The following KIF5C variants were observed in gnomAD, a reference collection of about 807,000 sequenced individuals.
KIF5C encodes the protein kinesin family member 5C.
Under a neutral mutation model 125.2 loss-of-function variants are expected in KIF5C, and 18 were observed. That is an observed-to-expected ratio of 0.14 (90% CI 0.10 to 0.21). The LOEUF is 0.21. Ranked by LOEUF, KIF5C falls within the 10% of genes least tolerant of loss-of-function variation. KIF5C has a pLI of 1.00. For synonymous variants in KIF5C, 405 were observed against 434.0 expected, an observed-to-expected ratio of 0.93 and a Z score of 0.83; for missense variants, 780 against 1,183.8, an observed-to-expected ratio of 0.66 and a Z score of 5.01.
chr2:148,995,248 T>C (rs7573559), intron 17 of KIF5C, among the ~76,000 whole-genome samples: 2,583 of 152,322 alleles, frequency 0.017, 78 homozygotes, highest in African/African-American at 0.059. Flanking sequence ...TGTGGCATCC[T>C]GAGGGATGAT....
chr2:148,956,030 CTG>C (rs1241906001), intron 10 of KIF5C, among the ~76,000 whole-genome samples: 1 of 152,212 alleles, frequency 6.6e-6, no homozygotes, highest in Admixed American at 6.5e-5. Flanking sequence ...TTAGAACTGA[CTG>C]TGGCCAGGAA....
intron 1 of KIF5C, among the ~76,000 whole-genome samples, chr2:148,921,507 C>T (rs1681784098): frequency 6.6e-6 from 1 of 152,188 alleles, no homozygotes; most frequent in Admixed American, 6.5e-5. Flanking sequence ...TGAATTGGCT[C>T]CTGATTTTCT....
chr2:148,875,575 G>GCCCCCCCCCCCCCC lies in KIF5C; in HGVS notation c.-37_-36insCCCCCCCCCCCCCC. The GCCCCCCCCCCCCCC allele has an allele frequency of 1.4e-6, 1 of 699,602 alleles. No homozygotes were observed. Among genetic ancestry groups the GCCCCCCCCCCCCCC allele is most frequent in the Non-Finnish European group, 2.6e-6 (1 of 389,226 alleles). 43.3% of individuals were successfully genotyped at this position (699,602 alleles called of 1,614,324 possible). A position where few individuals can be genotyped will look rare whatever the true frequency, so the allele number is the denominator to read the frequency against. On this transcript the variant is annotated 5_prime_UTR_variant, in exon 1 of 26. Coordinates refer to ENST00000435030, the MANE Select transcript of KIF5C (RefSeq NM_004522.3). ...TCCTCCCTCGTCGTTCCCGGCCCCG[G>GCCCCCCCCCCCCCC]CCCCCCACCCATCCCCGTGCCCCCT... is the stretch of plus-strand genomic sequence containing the variant.
At chr2:148,950,510 T>A (rs374002349) in intron 10 of KIF5C, 48 bp downstream of exon 10, 68 of 1,574,228 alleles carry the variant, frequency 4.3e-5, no homozygotes, top group Non-Finnish European at 5.3e-5. Flanking sequence ...GTCTTGGGTC[T>A]TAAGAGTGAA....
chr2:148,929,739 G>A (rs1682127970), intron 3 of KIF5C, among the ~76,000 whole-genome samples: 1 of 152,058 alleles, frequency 6.6e-6, no homozygotes. Context: ...ATAAAAAACT[G>A]TAGGTCAGAG....
chr2:149,006,706 T>A (rs971813123), intron 22 of KIF5C, among the ~76,000 whole-genome samples: 1 of 152,194 alleles, frequency 6.6e-6, no homozygotes, highest in Non-Finnish European at 1.5e-5. Context: ...TTTCAAGGCC[T>A]GCATGGCAAT....
chr2:149,018,658 A>C (rs1266256133), intron 25 of KIF5C, among the ~76,000 whole-genome samples: 2 of 150,430 alleles, frequency 1.3e-5, no homozygotes, highest in African/African-American at 5.0e-5. Context: ...CTGTCTCAAT[A>C]ATAATAATAA....
At chr2:148,940,173 G>A (rs888494223) in intron 4 of KIF5C, among the ~76,000 whole-genome samples, 1 of 152,182 alleles carries the variant, frequency 6.6e-6, no homozygotes, top group Non-Finnish European at 1.5e-5. Context: ...GGGTGGAGTT[G>A]GCTGCAGGAA....
At chr2:148,998,675 C>T in intron 19 of KIF5C, 166 bp downstream of exon 19, 2 of 1,176,532 alleles carry the variant, frequency 1.7e-6, no homozygotes, top group South Asian at 3.2e-5. Flanking sequence ...GGTCTGTTCT[C>T]CGATCTGGAG....
At chr2:149,005,828 G>A (rs1234213029) in intron 22 of KIF5C, among the ~76,000 whole-genome samples, 1 of 152,184 alleles carries the variant, frequency 6.6e-6, no homozygotes, top group Non-Finnish European at 1.5e-5. Flanking sequence ...GACAGAGAGA[G>A]CCTCTTATTT....
intron 1 of KIF5C, among the ~76,000 whole-genome samples, chr2:148,908,631 G>A (rs1681208204): frequency 6.6e-6 from 1 of 152,120 alleles, no homozygotes; most frequent in African/African-American, 2.4e-5. Context: ...GGGGTCATCC[G>A]AGGATTCAGT....
intron 16 of KIF5C, among the ~76,000 whole-genome samples, chr2:148,992,330 C>T (rs112846790): frequency 1.1e-4 from 16 of 152,040 alleles, no homozygotes; most frequent in African/African-American, 1.5e-4. Context: ...TGGGAAGCAC[C>T]GTGGAAATCA....
intron 2 of KIF5C, among the ~76,000 whole-genome samples, chr2:148,922,834 C>T (rs1435770190): frequency 6.6e-6 from 1 of 152,212 alleles, no homozygotes; most frequent in Non-Finnish European, 1.5e-5. Context: ...TTCCTCCAAA[C>T]AGGTAGCCTC....
intron 1 of KIF5C, among the ~76,000 whole-genome samples, chr2:148,895,655 G>T (rs1681819337): frequency 6.6e-6 from 1 of 152,090 alleles, no homozygotes; most frequent in African/African-American, 2.4e-5. Flanking sequence ...GTATTAGTTT[G>T]CTTGAACTGT....
chr2:149,004,040 A>T (rs1410633111), intron 21 of KIF5C, among the ~76,000 whole-genome samples: 1 of 152,190 alleles, frequency 6.6e-6, no homozygotes, highest in Non-Finnish European at 1.5e-5. Flanking sequence ...TGAGTGCTGC[A>T]CCCCTGCCCC....
intron 1 of KIF5C, among the ~76,000 whole-genome samples, chr2:148,916,434 C>G (rs2105074448): frequency 6.6e-6 from 1 of 152,280 alleles, no homozygotes; most frequent in East Asian, 1.9e-4. Context: ...CTCTGTGGAG[C>G]TGAGCTCAGG....
At chr2:148,965,521 G>T (rs1225936400) in intron 11 of KIF5C, among the ~76,000 whole-genome samples, 1 of 152,200 alleles carries the variant, frequency 6.6e-6, no homozygotes, top group African/African-American at 2.4e-5. Flanking sequence ...TTTCAGGCGA[G>T]AAGGAGAGTA....
At chr2:148,884,423 T>TC (rs1231986742) in intron 1 of KIF5C, 2 of 152,138 alleles carry the variant, frequency 1.3e-5, no homozygotes, top group South Asian at 2.1e-4. Context: ...GCTTTTTCTC[T>TC]CCCCCCTTGA....
chr2:148,897,419 G>T (rs932310810), intron 1 of KIF5C, among the ~76,000 whole-genome samples: 10 of 152,098 alleles, frequency 6.6e-5, no homozygotes, highest in African/African-American at 2.4e-4. Context: ...AGGGCTGAAG[G>T]ACATCAAAAT....
Sources: gnomAD v4.1 joint callset for allele counts (sites outside exome capture counted in the v4.1 genomes callset) on GRCh38, gnomAD v4.1.1 for gene constraint, MANE v1.5 for transcripts, NCBI Gene and HGNC (gene_info 2026-07-23, HGNC 2026-07-21) for gene names.